The following FHIT variants were observed in gnomAD, a reference collection of about 807,000 sequenced individuals.
The protein encoded by FHIT is bis(5'-adenosyl)-triphosphatase.
Under a neutral mutation model 17.9 loss-of-function variants are expected in FHIT, and 19 were observed. The observed-to-expected ratio is 1.06, with a 90% CI of 0.74 to 1.56. The LOEUF is 1.56. Ranked by LOEUF, FHIT falls within the 40% of genes most tolerant of loss-of-function variation. The pLI is 0.00. For missense variants in FHIT, 248 were observed against 189.2 expected (o/e 1.31, Z -1.82); for synonymous variants, 81 against 69.7 (o/e 1.16, Z -0.81).
At chr3:60,886,620 A>G (rs1705232389) in intron 3 of FHIT, among the ~76,000 whole-genome samples, 1 of 152,186 alleles carries the variant, frequency 6.6e-6, no homozygotes, top group Admixed American at 6.5e-5. Flanking sequence ...AAGCTGATCT[A>G]GAGGTAGAAA....
chr3:59,822,522 G>A (rs578220600), intron 8 of FHIT, among the ~76,000 whole-genome samples: 1 of 152,004 alleles, frequency 6.6e-6, no homozygotes, highest in South Asian at 2.1e-4. Flanking sequence ...TCATATTGTG[G>A]TTTTGATTTG....
chr3:59,751,863 T>TTTAAG (rs3074239), intron 9 of FHIT: 3 of 50,340 alleles, frequency 6.0e-5, no homozygotes, highest in Non-Finnish European at 1.6e-4. Context: ...ATGTCACACC[T>TTTAAG]TTAAGTTAAG....
Position 60,984,785 on chromosome 3 carries a change from GGT to G in FHIT, c.-111+57260_-111+57261del, listed in dbSNP as rs58578875. ...AATAAAGGGTATAGTTTCATGAAGGGGTGTGTGTGTGTGTGTGTGTGTGTGTG... is the reference window on the plus strand; with the variant it reads ...AATAAAGGGTATAGTTTCATGAAGGGGTGTGTGTGTGTGTGTGTGTGTGTG... On this transcript the variant is annotated intron_variant, in intron 3 of 9. Coordinates refer to ENST00000492590, the MANE Select transcript of FHIT (RefSeq NM_002012.4). 4.7e-3 allele frequency among the ~76,000 whole-genome samples: 706 copies of G among 150,122 alleles called. 10 individuals are homozygous for G. The highest frequency in any genetic ancestry group is 0.019 in the South Asian group (88 of 4,712).
intron 5 of FHIT, among the ~76,000 whole-genome samples, chr3:60,233,159 C>T (rs1452988195): frequency 6.6e-6 from 1 of 152,168 alleles, no homozygotes; most frequent in Non-Finnish European, 1.5e-5. Flanking sequence ...TATCTTATAA[C>T]ATTTTTATAA....
intron 8 of FHIT, among the ~76,000 whole-genome samples, chr3:59,834,357 T>C (rs531690812): frequency 2.0e-5 from 3 of 152,070 alleles, no homozygotes; most frequent in South Asian, 2.1e-4. Flanking sequence ...AATAGATAGA[T>C]AGATTAGCTA....
At chr3:60,841,217 G>A (rs1443898161) in intron 3 of FHIT, among the ~76,000 whole-genome samples, 1 of 152,188 alleles carries the variant, frequency 6.6e-6, no homozygotes, top group African/African-American at 2.4e-5. Flanking sequence ...ATCTAAGATT[G>A]TGGCAGTAAA....
chr3:60,710,646 A>G (rs1405721229), intron 4 of FHIT, among the ~76,000 whole-genome samples: 1 of 152,154 alleles, frequency 6.6e-6, no homozygotes, highest in East Asian at 1.9e-4. Context: ...GGAGGGTCCT[A>G]CACCCACGGA....
chr3:60,343,759 C>A (rs1710638470), intron 5 of FHIT, among the ~76,000 whole-genome samples: 1 of 152,078 alleles, frequency 6.6e-6, no homozygotes, highest in Non-Finnish European at 1.5e-5. Context: ...CTGTCCACAA[C>A]AAGAGATTAA....
chr3:60,952,004 A>G (rs1708905452), intron 3 of FHIT, among the ~76,000 whole-genome samples: 2 of 152,014 alleles, frequency 1.3e-5, no homozygotes, highest in South Asian at 4.1e-4. Flanking sequence ...CATCTCTACT[A>G]AAAATACAAA....
At chr3:60,243,735 G>A (rs750347795) in intron 5 of FHIT, among the ~76,000 whole-genome samples, 3 of 152,032 alleles carry the variant, frequency 2.0e-5, no homozygotes, top group Middle Eastern at 3.2e-3. Flanking sequence ...GTACGACAGT[G>A]GCAGGTGATG....
chr3:60,548,999 G>A (rs1423776185), intron 4 of FHIT, among the ~76,000 whole-genome samples: 1 of 152,114 alleles, frequency 6.6e-6, no homozygotes, highest in Non-Finnish European at 1.5e-5. Flanking sequence ...TGAGAAATGA[G>A]TATGACAACA....
At chr3:60,651,293 G>T (rs952859258) in intron 4 of FHIT, among the ~76,000 whole-genome samples, 4 of 151,994 alleles carry the variant, frequency 2.6e-5, no homozygotes, top group Non-Finnish European at 5.9e-5. Flanking sequence ...AACAAATTTT[G>T]TTGTTCCTAC....
intron 3 of FHIT, among the ~76,000 whole-genome samples, chr3:60,957,816 T>C (rs1370319615): frequency 6.6e-6 from 1 of 152,210 alleles, no homozygotes; most frequent in Non-Finnish European, 1.5e-5. Context: ...ACAACTGATA[T>C]TGTATATGCA....
rs567233240 is a variant in FHIT at position 60,185,300 on chromosome 3, C to T, written c.104-171148G>A. The stretch of plus-strand genomic sequence containing the variant: ...TCACCTATTAAACCTCACCCCAGAA[C>T]CTTCAGTAACAATGATTTGTTTACC... On this transcript the variant is annotated intron_variant, in intron 5 of 9. Transcript: ENST00000492590. Among the ~76,000 whole-genome samples, 6 of 152,220 alleles carry T rather than the reference C, an allele frequency of 3.9e-5. No homozygotes were observed. In the South Asian group the frequency reaches 1.0e-3, roughly 26 times the overall value.
At chr3:60,971,594 C>T (rs1407124587) in intron 3 of FHIT, among the ~76,000 whole-genome samples, 4 of 151,752 alleles carry the variant, frequency 2.6e-5, no homozygotes, top group African/African-American at 9.7e-5. Flanking sequence ...TTTCCACGCT[C>T]TGATGTTTTT....
chr3:61,217,788 G>A (rs2039727404), intron 1 of FHIT, among the ~76,000 whole-genome samples: 1 of 152,110 alleles, frequency 6.6e-6, no homozygotes, highest in African/African-American at 2.4e-5. Context: ...CCTGAAAGTA[G>A]TTTCAATGAA....
chr3:60,978,820 G>A (rs1297217819), intron 3 of FHIT, among the ~76,000 whole-genome samples: 2 of 152,140 alleles, frequency 1.3e-5, no homozygotes, highest in Non-Finnish European at 2.9e-5. Context: ...GTGCAACAAT[G>A]TTTAAATACA....
chr3:60,364,212 A>C (rs1054759479), intron 5 of FHIT, among the ~76,000 whole-genome samples: 1 of 152,236 alleles, frequency 6.6e-6, no homozygotes, highest in African/African-American at 2.4e-5. Flanking sequence ...TTCTCCAGTC[A>C]TTCCATGCTT....
At chr3:59,974,423 C>G (rs1219587624) in intron 7 of FHIT, among the ~76,000 whole-genome samples, 1 of 152,178 alleles carries the variant, frequency 6.6e-6, no homozygotes, top group Non-Finnish European at 1.5e-5. Context: ...CTACTGGCTT[C>G]AGCACCAGGT....
Sources: allele counts gnomAD v4.1 joint callset (sites outside exome capture counted in the v4.1 genomes callset), GRCh38; gene constraint gnomAD v4.1.1; transcripts MANE v1.5; gene names NCBI Gene and HGNC (gene_info 2026-07-23, HGNC 2026-07-21).